The following DOCK6 variants were observed in gnomAD, a reference collection of about 807,000 sequenced individuals.
DOCK6 encodes dedicator of cytokinesis 6.
In DOCK6, 167 loss-of-function variants were observed where a neutral mutation model predicts 230.3. That is an observed-to-expected ratio of 0.73 (90% CI 0.64 to 0.82). The LOEUF (loss-of-function observed/expected upper bound fraction) is 0.82, where lower values mean the gene tolerates loss of function less well. Among genes scored for constraint, DOCK6 ranks in the 40% least tolerant of loss-of-function variants. DOCK6 has a pLI of 0.00. For synonymous variants in DOCK6, 1,148 were observed against 1,185.0 expected (o/e 0.97, Z 0.64); for missense variants, 2,598 against 2,825.8 (o/e 0.92, Z 1.83).
rs371893062 is a variant in DOCK6, at chr19:11,221,942, G to A, written c.3459C>T (p.Ala1153=). 31 of 1,613,650 alleles carry A rather than the reference G, an allele frequency of 1.9e-5. No homozygotes were observed. The African/African-American group carries it at 2.4e-4, about 13-fold the overall frequency. The part of the protein sequence containing the change: ...LCGHDTDPRY[A]EATVKARVAE... The stretch of plus-strand genomic sequence containing the variant: ...CCACACGAGCCTTCACAGTGGCCTC[G>A]GCGTAGCGGGGGTCAGTGTCATGGC... The change falls in exon 28 of 48, where the codon GCC becomes GCT. Residue 1153 remains alanine, a synonymous_variant. Transcript: ENST00000294618.
At position 11,222,258 on chromosome 19, in the gene DOCK6, G is replaced by C. The variant is rs2079592653; in HGVS notation, c.3241-10C>G. 1 of 1,591,284 alleles carries C rather than the reference G, an allele frequency of 6.3e-7. No individual in the cohort carries two copies. The highest frequency in any genetic ancestry group is 8.6e-7 in the Non-Finnish European group (1 of 1,169,018). On this transcript the variant is annotated splice_polypyrimidine_tract_variant and intron_variant, in intron 26 of 47. Transcript: ENST00000294618. This position sits in a 1 kb window ranked among gnomAD's most constrained non-coding sequence, Gnocchi z 4.0. ...TGGAGAAGGTGGAGCTCTGCAGAGT[G>C]GGGGAAAAATGGGGGATGCCAGCGG...
Position 11,243,482 on chromosome 19 carries a change from C to CG in DOCK6, c.1258+74_1258+75insC. 6.5e-7 allele frequency: 1 copy of CG among 1,542,822 alleles called. No individual in the cohort carries two copies. Among genetic ancestry groups the CG allele is most frequent in the Non-Finnish European group, 8.7e-7 (1 of 1,144,712 alleles). On this transcript the variant is annotated intron_variant, in intron 11 of 47. Transcript: ENST00000294618. This position sits in a 1 kb window ranked among gnomAD's most constrained non-coding sequence, Gnocchi z 6.3. ...GGCCAGCAGAGGGCGCACCCCCTCG[C>CG]CCCGTAGCCCCGCCCCAGGCCTGTC... is the stretch of plus-strand genomic sequence containing the variant.
rs2079161516 is a variant in DOCK6, at chr19:11,201,064, G to A, written c.5689-12C>T. On this transcript the variant is annotated splice_polypyrimidine_tract_variant and intron_variant, in intron 44 of 47. Transcript: ENST00000294618. This position sits in a 1 kb window ranked among gnomAD's most constrained non-coding sequence, Gnocchi z 4.3. ...GGCGTCAGCACCGTCTGTGGGGTAA[G>A]GGGAGGGGTGTGTACTCGCTGGGGC... The A allele has an allele frequency of 1.2e-6, 2 of 1,613,012 alleles. No individual in the cohort carries two copies. The highest frequency in any genetic ancestry group is 2.2e-5 in the South Asian group (2 of 90,966).
chr19:11,255,202 A>G (rs1043961376), intron 1 of DOCK6, among the ~76,000 whole-genome samples: 7 of 152,092 alleles, frequency 4.6e-5, no homozygotes, highest in African/African-American at 1.7e-4. Context: ...ACGGGGTTTC[A>G]CAATGTTGGC....
At chr19:11,237,208 G>A (rs1479671914) in intron 18 of DOCK6, 1 of 598,000 alleles carries the variant, frequency 1.7e-6, no homozygotes, top group Non-Finnish European at 3.0e-6. Context: ...TACGAGGGCA[G>A]GGGACAGTGA....
At chr19:11,224,369 C>T (rs2079631588) in intron 24 of DOCK6, among the ~76,000 whole-genome samples, 1 of 151,886 alleles carries the variant, frequency 6.6e-6, no homozygotes, top group South Asian at 2.1e-4. Context: ...CACCACCACA[C>T]CTGGCTAACT....
chr19:11,236,477 T>C lies in DOCK6; in HGVS notation c.2261A>G (p.Glu754Gly). 6.3e-7 allele frequency: 1 copy of C among 1,598,718 alleles called. No individual in the cohort carries two copies. Among genetic ancestry groups the C allele is most frequent in the African/African-American group, 1.3e-5 (1 of 74,756 alleles). The change falls in exon 20 of 48, where the codon GAG becomes GGG. Residue 754 changes from glutamate to glycine, a missense_variant. Transcript: ENST00000294618. This position sits in a 1 kb window ranked among gnomAD's most constrained non-coding sequence, Gnocchi z 5.2. ...TGCAAGACTGGCCCGCAGCTCCTGC[T>C]CCACGTTGCCCTCGCTCAGCACAGT... ...KDTVLSEGNVEQELRASLAAL... is the reference protein window; with the variant it reads ...KDTVLSEGNVGQELRASLAAL...
At position 11,200,537 on chromosome 19, in the gene DOCK6, G is replaced by T; in HGVS notation, c.5940-68C>A. 2.5e-6 allele frequency: 4 copies of T among 1,568,916 alleles called. No individual in the cohort carries two copies. The highest frequency in any genetic ancestry group is 2.4e-5 in the East Asian group (1 of 42,418). On this transcript the variant is annotated intron_variant, in intron 46 of 47. Transcript: ENST00000294618. This position sits in a 1 kb window ranked among gnomAD's most constrained non-coding sequence, Gnocchi z 4.3. Reference sequence around the variant, plus strand: ...GGACTGAAAGCAAGACTAGGGGTGGGGGCACCCATAAGGCGGGACCAGGCC... The same window carrying T: ...GGACTGAAAGCAAGACTAGGGGTGGTGGCACCCATAAGGCGGGACCAGGCC...
Position 11,262,472 on chromosome 19 carries a change from C to T in DOCK6, c.-32G>A. 3.5e-6 allele frequency: 4 copies of T among 1,137,198 alleles called. No homozygotes were observed. Among genetic ancestry groups the T allele is most frequent in the South Asian group, 4.3e-5 (1 of 23,510 alleles). 70.4% of individuals were successfully genotyped at this position (1,137,198 alleles called of 1,614,324 possible). A position where few individuals can be genotyped will look rare whatever the true frequency, so the allele number is the denominator to read the frequency against. ...CGCGTCCCGCCGCCGCCGCCCCGGG[C>T]CCCGGCCCCGCCGCCGCCGCCGCCT... On this transcript the variant is annotated 5_prime_UTR_variant, in exon 1 of 48. Transcript: ENST00000294618.
rs79202547 is a variant in DOCK6, at chr19:11,245,680, C to G, written c.906G>C (p.Ser302=). ...ISENFYFDLN[S]DSMKGLLRAH... ...CCCGAAGCAGCCCCTTCATGGAGTCCGAGTTCAGGTCGAAGTAGAAGTTCT... is the reference window on the plus strand; with the variant it reads ...CCCGAAGCAGCCCCTTCATGGAGTCGGAGTTCAGGTCGAAGTAGAAGTTCT... Residue 302 remains serine, a synonymous_variant, in exon 9 of 48, where the codon TCG becomes TCC. Coordinates refer to ENST00000294618, the MANE Select transcript of DOCK6 (RefSeq NM_020812.4). 1.1e-3 allele frequency: 1,701 copies of G among 1,607,602 alleles called. 5 individuals carry two copies. In the Middle Eastern group the frequency reaches 0.017, roughly 16 times the overall value.
rs775121579 is a variant in DOCK6, at chr19:11,243,559, C to T, written c.1256G>A (p.Gly419Asp). The T allele has an allele frequency of 8.1e-6, 13 of 1,600,702 alleles. No homozygotes were observed. Among genetic ancestry groups the T allele is most frequent in the Non-Finnish European group, 9.4e-6 (11 of 1,174,962 alleles). ...GQLDRDSDSE[G>D]ERRPAWTDRR... is the part of the protein sequence containing the mutation. The stretch of plus-strand genomic sequence containing the variant: ...GCCTGTTAGCCCCGCCTCCTCACCG[C>T]CCTCCGAGTCAGAGTCCCGGTCCAG... The change falls in exon 11 of 48, where the codon GGC becomes GAC. Residue 419 changes from glycine (G) to aspartate (D), a missense_variant and splice_region_variant. By Grantham distance (94) the Gly-to-Asp change is moderately conservative. Coordinates refer to ENST00000294618, the MANE Select transcript of DOCK6 (RefSeq NM_020812.4). This position sits in a 1 kb window ranked among gnomAD's most constrained non-coding sequence, Gnocchi z 6.3.
Position 11,243,358 on chromosome 19 carries a change from C to T in DOCK6, c.1286G>A (p.Arg429His), listed in dbSNP as rs748891692. The part of the protein sequence containing the change: ...GERRPAWTDR[R>H]RRGPQDRASS... ...CGCCCGGTCCTGGGGCCCCCGACGG[C>T]GGCGGTCTGTCCAGGCTGGCCGGCG... is the stretch of plus-strand genomic sequence containing the variant. The change falls in exon 12 of 48, where the codon CGC becomes CAC. Residue 429 changes from arginine to histidine, a missense_variant. Arg to His is a conservative substitution (Grantham distance 29). Transcript: ENST00000294618. This position sits in a 1 kb window ranked among gnomAD's most constrained non-coding sequence, Gnocchi z 6.3. 2 of 1,600,956 alleles carry T rather than the reference C, an allele frequency of 1.2e-6. No homozygotes were observed. Among genetic ancestry groups the T allele is most frequent in the Non-Finnish European group, 1.7e-6 (2 of 1,174,428 alleles).
At chr19:11,214,484 T>G in intron 33 of DOCK6, 69 bp downstream of exon 33, 1 of 1,613,426 alleles carries the variant, frequency 6.2e-7, no homozygotes, top group African/African-American at 1.3e-5. Context: ...AGAGGGATTA[T>G]GGAGTCAGAG....
At chr19:11,232,275 T>C (rs1331808514) in intron 22 of DOCK6, 2 of 1,289,434 alleles carry the variant, frequency 1.6e-6, no homozygotes, top group Non-Finnish European at 2.0e-6. Flanking sequence ...CCCAGGAGTG[T>C]GAGCGATCGA....
At chr19:11,239,443 CCT>C (rs1364112043) in intron 14 of DOCK6, among the ~76,000 whole-genome samples, 1 of 152,198 alleles carries the variant, frequency 6.6e-6, no homozygotes, top group African/African-American at 2.4e-5. Context: ...CACACCTGGC[CCT>C]GAGCCCCAGG....
At chr19:11,256,078 T>G (rs6511731) in intron 1 of DOCK6, among the ~76,000 whole-genome samples, 120,193 of 152,164 alleles carry the variant, frequency 0.79, 48,156 homozygotes, top group East Asian at 0.92. Flanking sequence ...GTGAGCCACC[T>G]TGCCCGGCCC....
At position 11,202,762 on chromosome 19, in the gene DOCK6, C is replaced by T. The variant is rs758813687; in HGVS notation, c.5236-53G>A. On this transcript the variant is annotated intron_variant, in intron 41 of 47. Coordinates refer to ENST00000294618, the MANE Select transcript of DOCK6 (RefSeq NM_020812.4). This position sits in a 1 kb window ranked among gnomAD's most constrained non-coding sequence, Gnocchi z 5.3. ...TCCGGGAGGCCCCTGCTGGAGGTCT[C>T]CCTGCCCCAGAGATAGGTGTCTCGA... 2 of 1,607,684 alleles carry T rather than the reference C, an allele frequency of 1.2e-6. No homozygotes were observed. Among genetic ancestry groups the T allele is most frequent in the East Asian group, 2.2e-5 (1 of 44,890 alleles).
chr19:11,249,038 A>C (rs971838077), intron 6 of DOCK6, among the ~76,000 whole-genome samples: 1 of 152,174 alleles, frequency 6.6e-6, no homozygotes, highest in Admixed American at 6.6e-5. Context: ...ATACAACCAC[A>C]GGAGTATATA....
In DOCK6 at chr19:11,213,311, G is replaced by C. The variant is rs566784377; in HGVS notation, c.4356C>G (p.Phe1452Leu). 1 of 1,611,678 alleles carries C rather than the reference G, an allele frequency of 6.2e-7. No homozygotes were observed. Among genetic ancestry groups the C allele is most frequent in the Non-Finnish European group, 8.5e-7 (1 of 1,179,748 alleles). ...ALVSKFPELL[F>L]EEDTELCADL... ...CGGCACACAGCTCCGTGTCCTCCTC[G>C]AACAGCAGCTCCGGGAACTGCCCCC... Residue 1452 changes from phenylalanine (F) to leucine (L), a missense_variant, in exon 35 of 48, where the codon TTC (phenylalanine) becomes TTG (leucine). By Grantham distance (22) the Phe-to-Leu change is conservative. Coordinates refer to ENST00000294618, the MANE Select transcript of DOCK6 (RefSeq NM_020812.4).
Sources: gnomAD v4.1 joint callset for allele counts (sites outside exome capture counted in the v4.1 genomes callset) on GRCh38, gnomAD v4.1.1 for gene constraint, Gnocchi (gnomAD v3.1) non-coding constraint, MANE v1.5 for transcripts, NCBI Gene and HGNC (gene_info 2026-07-23, HGNC 2026-07-21) for gene names.